The following CSMD2 variants were observed in gnomAD, a reference collection of about 807,000 sequenced individuals.
The protein encoded by CSMD2 is CUB and Sushi multiple domains 2, also known as CUB and sushi domain-containing protein 2.
A neutral mutation model predicts 398.5 loss-of-function variants in CSMD2; 130 were observed. The ratio of observed to expected loss-of-function variants is 0.33; its 90% confidence interval spans 0.28 to 0.38. CSMD2 has a LOEUF of 0.38. Among genes scored for constraint, CSMD2 ranks in the 10% least tolerant of loss-of-function variants. CSMD2 has a pLI of 1.00. For missense variants in CSMD2, 3,829 were observed against 4,764.9 expected (o/e 0.80, Z 5.78); for synonymous variants, 1,828 against 1,908.5 (o/e 0.96, Z 1.10).
At chr1:33,880,794 C>G (rs181509792) in intron 5 of CSMD2, among the ~76,000 whole-genome samples, 236 of 152,292 alleles carry the variant, frequency 1.5e-3, no homozygotes, top group Non-Finnish European at 2.3e-3. Flanking sequence ...CCTCTTAAGA[C>G]CTACCAAGGG....
rs192494895 is a variant in CSMD2, at chr1:33,949,513, C to T, written c.518-13559G>A. Among the ~76,000 whole-genome samples, 4 of 152,320 alleles carry T rather than the reference C, an allele frequency of 2.6e-5. No homozygotes were observed. In the East Asian group the frequency reaches 7.7e-4, roughly 29 times the overall value. Reference sequence around the variant, plus strand: ...TAAGAATCATTCGTGAATAGTCCTACCCAGCTGCAAACTGAAATGCAAGAG... The same window carrying T: ...TAAGAATCATTCGTGAATAGTCCTATCCAGCTGCAAACTGAAATGCAAGAG... On this transcript the variant is annotated intron_variant, in intron 3 of 70. Transcript: ENST00000373381.
intron 10 of CSMD2, among the ~76,000 whole-genome samples, chr1:33,796,184 C>G (rs550702723): frequency 6.0e-4 from 92 of 152,350 alleles, no homozygotes; most frequent in African/African-American, 2.2e-3. Context: ...CAATCATAGT[C>G]TTTGATCATC....
At chr1:33,975,444 G>C (rs1645924291) in intron 3 of CSMD2, among the ~76,000 whole-genome samples, 1 of 150,712 alleles carries the variant, frequency 6.6e-6, no homozygotes, top group African/African-American at 2.5e-5. Flanking sequence ...ATCCCTTTTA[G>C]AAGACATTCA....
chr1:33,949,217 C>T (rs1170521861), intron 3 of CSMD2, among the ~76,000 whole-genome samples: 1 of 152,198 alleles, frequency 6.6e-6, no homozygotes, highest in Non-Finnish European at 1.5e-5. Context: ...GTGTCTGACA[C>T]ACAGGAAGTG....
At chr1:33,771,164 G>T (rs1651205358) in intron 13 of CSMD2, among the ~76,000 whole-genome samples, 1 of 152,184 alleles carries the variant, frequency 6.6e-6, no homozygotes, top group African/African-American at 2.4e-5. Context: ...GGATTTCAGA[G>T]ATTAAGCCCC....
intron 2 of CSMD2, among the ~76,000 whole-genome samples, chr1:34,065,079 G>C (rs1654963679): frequency 6.6e-6 from 1 of 152,074 alleles, no homozygotes; most frequent in Admixed American, 6.6e-5. Flanking sequence ...AATTTGGGTG[G>C]AGACACAGAG....
chr1:33,959,052 T>C (rs1447139281), intron 3 of CSMD2, among the ~76,000 whole-genome samples: 1 of 152,184 alleles, frequency 6.6e-6, no homozygotes, highest in Admixed American at 6.5e-5. Context: ...GGTGAGCCCC[T>C]GCTCAATTTT....
chr1:33,936,612 T>G (rs577750397), intron 3 of CSMD2, among the ~76,000 whole-genome samples: 7 of 152,334 alleles, frequency 4.6e-5, no homozygotes, highest in Non-Finnish European at 1.0e-4. Context: ...CATGGTCACC[T>G]GCAAGTGTGC....
intron 2 of CSMD2, among the ~76,000 whole-genome samples, chr1:34,048,014 G>A (rs1388541463): frequency 6.6e-6 from 1 of 152,190 alleles, no homozygotes; most frequent in Non-Finnish European, 1.5e-5. Context: ...TACTTCCACA[G>A]AAGCCTGAAA....
intron 2 of CSMD2, among the ~76,000 whole-genome samples, chr1:34,063,607 G>A (rs1654770815): frequency 6.6e-6 from 1 of 152,220 alleles, no homozygotes; most frequent in African/African-American, 2.4e-5. Flanking sequence ...GCTCCGGCCT[G>A]TGGCTTTGCA....
chr1:33,861,808 G>A (rs879320159), intron 5 of CSMD2, among the ~76,000 whole-genome samples: 1 of 152,180 alleles, frequency 6.6e-6, no homozygotes, highest in Non-Finnish European at 1.5e-5. Context: ...TGTACTGGAA[G>A]GAGAGAGTCA....
In CSMD2 at chr1:33,724,424, G is replaced by A. The variant is rs1646459062; in HGVS notation, c.2884+92C>T. On this transcript the variant is annotated intron_variant, in intron 18 of 70. Coordinates refer to ENST00000373381, the MANE Select transcript of CSMD2 (RefSeq NM_001281956.2). Reference sequence around the variant, plus strand: ...TCTCGAAAGCCCAACCTTCGCTGATGGGGTGAGGGAGTCAGTGGTCTTTTG... The same window carrying A: ...TCTCGAAAGCCCAACCTTCGCTGATAGGGTGAGGGAGTCAGTGGTCTTTTG... 6.5e-6 allele frequency: 10 copies of A among 1,531,878 alleles called. No homozygotes were observed. The South Asian group carries it at 1.1e-4, about 16-fold the overall frequency. 94.9% of individuals were successfully genotyped at this position (1,531,878 alleles called of 1,614,324 possible). A position where few individuals can be genotyped will look rare whatever the true frequency, so the allele number is the denominator to read the frequency against.
At chr1:33,813,269 C>A (rs908885670) in intron 9 of CSMD2, 4 of 152,208 alleles carry the variant, frequency 2.6e-5, no homozygotes, top group Admixed American at 2.0e-4. Flanking sequence ...TTACAGTCTG[C>A]AGATAGCATA....
intron 27 of CSMD2, 80 bp downstream of exon 27, chr1:33,657,866 G>A: frequency 7.4e-7 from 1 of 1,356,200 alleles, no homozygotes; most frequent in South Asian, 1.4e-5. Flanking sequence ...GGCCCAAGAT[G>A]CAGCTGCTGT....
intron 25 of CSMD2, among the ~76,000 whole-genome samples, chr1:33,677,485 T>C (rs1468072387): frequency 6.6e-6 from 1 of 152,100 alleles, no homozygotes; most frequent in Non-Finnish European, 1.5e-5. Context: ...TGTGGAGAAA[T>C]AGGAACACTT....
intron 5 of CSMD2, among the ~76,000 whole-genome samples, chr1:33,865,111 AC>A (rs1639924997): frequency 1.3e-5 from 2 of 151,402 alleles, no homozygotes; most frequent in Non-Finnish European, 2.9e-5. Context: ...AGGTAGAAGC[AC>A]CGTGGTTCTG....
chr1:33,625,079 T>A lies in CSMD2; in HGVS notation c.5472A>T (p.Gln1824His). Residue 1824 changes from glutamine to histidine, a missense_variant, in exon 34 of 71, where the codon CAA (glutamine) becomes CAT (histidine). Coordinates refer to ENST00000373381, the MANE Select transcript of CSMD2 (RefSeq NM_001281956.2). ...ECLPVPGALA[Q>H]WNVSAPTCVV... ...CACACGTGGGCGCTGAGACATTCCATTGGGCCAAGGCCCCAGGCACAGGGA... is the reference window on the plus strand; with the variant it reads ...CACACGTGGGCGCTGAGACATTCCAATGGGCCAAGGCCCCAGGCACAGGGA... The A allele has an allele frequency of 6.2e-7, 1 of 1,613,858 alleles. No homozygotes were observed. Among genetic ancestry groups the A allele is most frequent in the Middle Eastern group, 1.7e-4 (1 of 6,060 alleles).
chr1:33,974,293 C>G (rs923851225), intron 3 of CSMD2, among the ~76,000 whole-genome samples: 3 of 152,204 alleles, frequency 2.0e-5, no homozygotes, highest in Non-Finnish European at 4.4e-5. Flanking sequence ...TGGGCTCGCA[C>G]AAATCTCACA....
intron 13 of CSMD2, among the ~76,000 whole-genome samples, chr1:33,765,912 A>C (rs114392705): frequency 6.6e-6 from 1 of 152,206 alleles, no homozygotes. Flanking sequence ...TGTCCCTCCT[A>C]GACAGGGCTG....
Sources: allele counts gnomAD v4.1 joint callset (sites outside exome capture counted in the v4.1 genomes callset), GRCh38; gene constraint gnomAD v4.1.1; transcripts MANE v1.5; gene names NCBI Gene and HGNC (gene_info 2026-07-23, HGNC 2026-07-21).